Variants in POMGNT2 observed in about 807,000 individuals in gnomAD.
POMGNT2 encodes protein O-linked mannose N-acetylglucosaminyltransferase 2 (beta 1,4-), also known as protein O-linked-mannose beta-1,4-N-acetylglucosaminyltransferase 2.
A neutral mutation model predicts 37.8 loss-of-function variants in POMGNT2; 32 were observed. The ratio of observed to expected loss-of-function variants is 0.85; its 90% CI spans 0.64 to 1.14. POMGNT2 has a LOEUF of 1.14. Ranked by LOEUF, POMGNT2 falls within the 50% of genes most tolerant of loss-of-function variation. The probability of loss-of-function intolerance (pLI) is 0.00; values close to 1 mark genes in which losing one functional copy is unlikely to be tolerated. For missense variants in POMGNT2, 705 were observed against 780.6 expected (o/e 0.90, Z 1.15); for synonymous variants, 340 against 336.8 (o/e 1.01, Z -0.10).
intron 1 of POMGNT2, chr3:43,090,410 TGTGCTGAACTACATTAAA>T (rs1315372074): frequency 6.6e-6 from 1 of 152,244 alleles, no homozygotes; most frequent in East Asian, 1.9e-4. Flanking sequence ...TAAGAACTAC[TGTGCTGAACTACATTAAA>T]GTGCTGATAT....
At chr3:43,103,398 C>G (rs1307275479) in intron 1 of POMGNT2, among the ~76,000 whole-genome samples, 1 of 152,096 alleles carries the variant, frequency 6.6e-6, no homozygotes, top group East Asian at 1.9e-4. Flanking sequence ...TTCTCATACA[C>G]AAGCTTCCCA....
chr3:43,080,860 A>G lies in POMGNT2; in HGVS notation c.572T>C (p.Leu191Pro), dbSNP rs1216946615. The G allele has an allele frequency of 6.2e-7, 1 of 1,614,042 alleles. No homozygotes were observed. Among genetic ancestry groups the G allele is most frequent in the African/African-American group, 1.3e-5 (1 of 75,036 alleles). Residue 191 changes from leucine to proline, a missense_variant, in exon 2 of 2, where the codon CTC becomes CCC. Coordinates refer to ENST00000344697, the MANE Select transcript of POMGNT2 (RefSeq NM_032806.6). ...QFPGLAHEAR[L>P]FFMEGWGEGA... is the part of the protein sequence containing the mutation. ...CTCGCCCCAGCCCTCCATGAAGAAG[A>G]GCCGTGCCTCGTGGGCCAGGCCGGG... is the stretch of plus-strand genomic sequence containing the variant.
chr3:43,098,581 A>C lies in POMGNT2; in HGVS notation c.-106+7255T>G, dbSNP rs1008019835. ...TCAAGGCATATTTAACATTTAGTTA[A>C]GGGCTCACTTTCTTAGATTAAAACT... On this transcript the variant is annotated intron_variant, in intron 1 of 1. Coordinates refer to ENST00000344697, the MANE Select transcript of POMGNT2 (RefSeq NM_032806.6). This position sits in a 1 kb window ranked among gnomAD's most constrained non-coding sequence, Gnocchi z 4.3. 6.6e-6 allele frequency among the ~76,000 whole-genome samples: 1 copy of C among 152,230 alleles called. No homozygotes were observed. The highest frequency in any genetic ancestry group is 1.5e-5 in the Non-Finnish European group (1 of 68,034).
intron 1 of POMGNT2, among the ~76,000 whole-genome samples, chr3:43,105,548 G>A (rs1278228869): frequency 6.6e-6 from 1 of 151,866 alleles, no homozygotes; most frequent in African/African-American, 2.4e-5. Flanking sequence ...GCCCCAGGGC[G>A]TTGCCCAGGT....
intron 1 of POMGNT2, among the ~76,000 whole-genome samples, chr3:43,082,134 C>G (rs1193726824): frequency 1.3e-5 from 2 of 152,210 alleles, no homozygotes; most frequent in African/African-American, 4.8e-5. Flanking sequence ...CAAAAGCTAA[C>G]AAAGAGAGGC....
chr3:43,105,511 C>A (rs914320990), intron 1 of POMGNT2, among the ~76,000 whole-genome samples: 3 of 152,102 alleles, frequency 2.0e-5, no homozygotes, highest in African/African-American at 7.2e-5. Flanking sequence ...CCAGTGCCTG[C>A]CACGAGCTGA....
intron 1 of POMGNT2, among the ~76,000 whole-genome samples, chr3:43,104,036 G>A (rs914445090): frequency 2.0e-5 from 3 of 152,086 alleles, no homozygotes; most frequent in Admixed American, 2.0e-4. Flanking sequence ...TGTTTTACAC[G>A]CATTATCTCA....
At position 43,080,504 on chromosome 3, in the gene POMGNT2, G is replaced by A. The variant is rs151274025; in HGVS notation, c.928C>T (p.Leu310=). 30 of 1,614,126 alleles carry A rather than the reference G, an allele frequency of 1.9e-5. No homozygotes were observed. In the African/African-American group the frequency reaches 2.8e-4, roughly 15 times the overall value. Reference sequence around the variant, plus strand: ...GTCTTCATCTGGAACTCCTGGGCCAGTGCCAGCAGCAGCTCTGCCTCATTC... The same window carrying A: ...GTCTTCATCTGGAACTCCTGGGCCAATGCCAGCAGCAGCTCTGCCTCATTC... The part of the protein sequence containing the change: ...ILNEAELLLA[L]AQEFQMKTVT... The change falls in exon 2 of 2, where the codon CTG becomes TTG. Residue 310 remains leucine (L), a synonymous_variant. Transcript: ENST00000344697.
chr3:43,106,077 T>TGCGCCTGC lies in POMGNT2; in HGVS notation c.-348_-347insGCAGGCGC, dbSNP rs1285575994. 1.3e-5 allele frequency: 2 copies of TGCGCCTGC among 151,740 alleles called. No homozygotes were observed. Among genetic ancestry groups the TGCGCCTGC allele is most frequent in the African/African-American group, 2.4e-5 (1 of 41,362 alleles). 9.4% of individuals were successfully genotyped at this position (151,740 alleles called of 1,614,324 possible). A position where few individuals can be genotyped will look rare whatever the true frequency, so the allele number is the denominator to read the frequency against. ...GCGGGCGAGCCCGGCGCGGAGCCTG[T>TGCGCCTGC]GCGCCTGCGCAGAGCCGCGAGTTCG... On this transcript the variant is annotated 5_prime_UTR_variant, in exon 1 of 2. Coordinates refer to ENST00000344697, the MANE Select transcript of POMGNT2 (RefSeq NM_032806.6).
At chr3:43,101,866 T>C (rs1452637552) in intron 1 of POMGNT2, among the ~76,000 whole-genome samples, 4 of 152,152 alleles carry the variant, frequency 2.6e-5, no homozygotes, top group Admixed American at 2.6e-4. Flanking sequence ...TTGAGACAAG[T>C]TGCCCCAACC....
In POMGNT2 at chr3:43,080,188, G is replaced by T; in HGVS notation, c.1244C>A (p.Thr415Asn). The change falls in exon 2 of 2, where the codon ACC (threonine) becomes AAC (asparagine). Residue 415 changes from threonine to asparagine, a missense_variant. By Grantham distance (65) the Thr-to-Asn change is moderately conservative. Coordinates refer to ENST00000344697, the MANE Select transcript of POMGNT2 (RefSeq NM_032806.6). ...GGCTTGCTCAGCCCGGTCCAGATGG[G>T]TGATGCCCCCCTGATCCCAGGGCCG... Reference protein sequence around the residue: ...PERPWDQGGITHLDRAEQARI... With the variant: ...PERPWDQGGINHLDRAEQARI... The T allele has an allele frequency of 1.2e-6, 2 of 1,614,006 alleles. No individual in the cohort carries two copies. Among genetic ancestry groups the T allele is most frequent in the Non-Finnish European group, 8.5e-7 (1 of 1,179,934 alleles).
In POMGNT2 at chr3:43,092,197, T is replaced by C. The variant is rs79765458; in HGVS notation, c.-105-10661A>G. Among the ~76,000 whole-genome samples the C allele has an allele frequency of 4.6e-5, 7 of 152,350 alleles. No homozygotes were observed. In the East Asian group the frequency reaches 1.3e-3, roughly 29 times the overall value. Reference sequence around the variant, plus strand: ...GTAGGGGAAGTGGGGAGAAATGGTTTATGTAACTTTTTTGTAAGTCTAAAA... The same window carrying C: ...GTAGGGGAAGTGGGGAGAAATGGTTCATGTAACTTTTTTGTAAGTCTAAAA... On this transcript the variant is annotated intron_variant, in intron 1 of 1. Coordinates refer to ENST00000344697, the MANE Select transcript of POMGNT2 (RefSeq NM_032806.6).
intron 1 of POMGNT2, among the ~76,000 whole-genome samples, chr3:43,094,958 A>T (rs1214651276): frequency 6.6e-6 from 1 of 152,220 alleles, no homozygotes; most frequent in Non-Finnish European, 1.5e-5. Flanking sequence ...CCCTGTCTGC[A>T]GTCAGATCTG....
intron 1 of POMGNT2, among the ~76,000 whole-genome samples, chr3:43,102,503 C>T (rs924368649): frequency 2.0e-5 from 3 of 152,126 alleles, no homozygotes; most frequent in African/African-American, 7.2e-5. Flanking sequence ...TCCAGGTTAA[C>T]TAAGAAAAAA....
Position 43,079,364 on chromosome 3 carries a change from AC to A in POMGNT2, c.*324del. On this transcript the variant is annotated 3_prime_UTR_variant, in exon 2 of 2. Transcript: ENST00000344697. ...TTACTCGGTTTCCAGAAATCTGGAT[AC>A]CAGAAAAACTCAGTAGGAAACATCA... 1 of 305,246 alleles carries A rather than the reference AC, an allele frequency of 3.3e-6. No individual in the cohort carries two copies. Among genetic ancestry groups the A allele is most frequent in the South Asian group, 6.9e-5 (1 of 14,436 alleles). The allele number at this position is 305,246 out of a possible 1,614,324, so 18.9% of individuals were successfully genotyped here.
intron 1 of POMGNT2, among the ~76,000 whole-genome samples, chr3:43,105,011 GCTA>G (rs2125713993): frequency 6.6e-6 from 1 of 152,314 alleles, no homozygotes; most frequent in South Asian, 2.1e-4. Context: ...TATGCTCTTA[GCTA>G]CTAAGTCCTA....
rs1230010333 is a variant in POMGNT2 at position 43,105,957 on chromosome 3, G to C, written c.-227C>G. The C allele has an allele frequency of 6.6e-6, 1 of 151,844 alleles. No homozygotes were observed. Among genetic ancestry groups the C allele is most frequent in the Non-Finnish European group, 1.5e-5 (1 of 67,938 alleles). The allele number at this position is 151,844 out of a possible 1,614,324, so 9.4% of individuals were successfully genotyped here. A position where few individuals can be genotyped will look rare whatever the true frequency, so the allele number is the denominator to read the frequency against. ...GCCAGCTTCTGGCCCAGGAGGCCCAGAAGGCCCAGGCAGCCAGCACAGGTT... is the reference window on the plus strand; with the variant it reads ...GCCAGCTTCTGGCCCAGGAGGCCCACAAGGCCCAGGCAGCCAGCACAGGTT... On this transcript the variant is annotated 5_prime_UTR_variant, in exon 1 of 2. Transcript: ENST00000344697.
At chr3:43,100,456 G>A (rs750035979) in intron 1 of POMGNT2, among the ~76,000 whole-genome samples, 5 of 152,244 alleles carry the variant, frequency 3.3e-5, no homozygotes, top group South Asian at 2.1e-4. Context: ...GGGGGATCCC[G>A]GAACAAGTCT....
At chr3:43,100,183 C>G (rs190728619) in intron 1 of POMGNT2, among the ~76,000 whole-genome samples, 25 of 150,716 alleles carry the variant, frequency 1.7e-4, no homozygotes, top group African/African-American at 6.0e-4. Flanking sequence ...ATGCAGTCAG[C>G]CCTCTATATC....
Sources: gnomAD v4.1 joint callset for allele counts (sites outside exome capture counted in the v4.1 genomes callset) on GRCh38, gnomAD v4.1.1 for gene constraint, Gnocchi (gnomAD v3.1) non-coding constraint, MANE v1.5 for transcripts, NCBI Gene and HGNC (gene_info 2026-07-23, HGNC 2026-07-21) for gene names.